NMUR2: variants seen among roughly 807,000 people sequenced by gnomAD.
NMUR2 encodes the protein neuromedin-U receptor 2.
Under a neutral mutation model 25.1 loss-of-function variants are expected in NMUR2, and 24 were observed. The observed-to-expected ratio is 0.96, with a 90% CI of 0.69 to 1.34. The LOEUF (loss-of-function observed/expected upper bound fraction) is 1.34, where lower values mean the gene tolerates loss of function less well. NMUR2 is among the 40% of genes most tolerant of loss of function. The pLI is 0.00. For synonymous variants in NMUR2, 218 were observed against 208.1 expected, an observed-to-expected ratio of 1.05 and a Z score of -0.41; for missense variants, 533 against 512.8, an observed-to-expected ratio of 1.04 and a Z score of -0.38.
Position 152,405,185 on chromosome 5 carries a change from AAG to A in NMUR2, c.-74_-73del. ...GCTGAGCCAGGAAAAAAAAAAAAAA[AAG>A]AAAAAAGGAAAACAAAAAAGAGAAA... On this transcript the variant is annotated 5_prime_UTR_variant, in exon 1 of 4. Transcript: ENST00000255262. 1 of 1,471,250 alleles carries A rather than the reference AAG, an allele frequency of 6.8e-7. No individual in the cohort carries two copies. Among genetic ancestry groups the A allele is most frequent in the African/African-American group, 1.4e-5 (1 of 70,738 alleles). The allele number at this position is 1,471,250 out of a possible 1,614,324, so 91.1% of individuals were successfully genotyped here.
Position 152,405,000 on chromosome 5 carries a change from T to A in NMUR2, c.114A>T (p.Gly38=). ...GGAGGAAGAAGTGGCTGCGCCGAGG[T>A]CCGCAGAGGAAGGCCAGATACTCCT... ...STEEYLAFLC[G]PRRSHFFLPV... Residue 38 remains glycine, a synonymous_variant, in exon 1 of 4, where the codon GGA becomes GGT. Coordinates refer to ENST00000255262, the MANE Select transcript of NMUR2 (RefSeq NM_020167.5). The A allele has an allele frequency of 6.2e-7, 1 of 1,613,156 alleles. No homozygotes were observed. The highest frequency in any genetic ancestry group is 8.5e-7 in the Non-Finnish European group (1 of 1,179,812).
At chr5:152,395,699 G>A in intron 2 of NMUR2, 115 bp from the exon 3 acceptor site, 1 of 1,258,024 alleles carries the variant, frequency 7.9e-7, no homozygotes. Flanking sequence ...ACTTTGTTAA[G>A]CTATAACAGT....
Position 152,404,765 on chromosome 5 carries a change from C to A in NMUR2, c.349G>T (p.Val117Leu), listed in dbSNP as rs1467639009. The A allele has an allele frequency of 1.2e-6, 2 of 1,614,004 alleles. No homozygotes were observed. Among genetic ancestry groups the A allele is most frequent in the Non-Finnish European group, 1.7e-6 (2 of 1,180,038 alleles). Residue 117 changes from valine to leucine, a missense_variant, in exon 1 of 4, where the codon GTG becomes TTG. By Grantham distance (32) the Val-to-Leu change is conservative. Coordinates refer to ENST00000255262, the MANE Select transcript of NMUR2 (RefSeq NM_020167.5). ...WRNYPFLFGP[V>L]GCYFKTALFE... Reference sequence around the variant, plus strand: ...AGGGCCGTCTTGAAGTAGCAGCCCACGGGCCCGAACAAGAAAGGGTAGTTG... The same window carrying A: ...AGGGCCGTCTTGAAGTAGCAGCCCAAGGGCCCGAACAAGAAAGGGTAGTTG...
chr5:152,399,619 A>C (rs527419340), intron 1 of NMUR2, among the ~76,000 whole-genome samples: 8 of 152,240 alleles, frequency 5.3e-5, no homozygotes, highest in Non-Finnish European at 1.2e-4. Context: ...TTGAGGTTGA[A>C]ACCAACACCA....
chr5:152,395,410 T>C (rs1471992713), intron 3 of NMUR2, 49 bp downstream of exon 3: 8 of 1,608,538 alleles, frequency 5.0e-6, no homozygotes, highest in Non-Finnish European at 6.8e-6. Flanking sequence ...AAGAAGAAGG[T>C]GCTGTTACCT....
chr5:152,399,584 C>A (rs1309430472), intron 1 of NMUR2, among the ~76,000 whole-genome samples: 1 of 152,022 alleles, frequency 6.6e-6, no homozygotes, highest in Non-Finnish European at 1.5e-5. Flanking sequence ...ATGCTTGGAG[C>A]CACCAAAGGA....
rs1208547683 is a variant in NMUR2 at position 152,398,273 on chromosome 5, C to T, written c.727-129G>A. 5 of 652,476 alleles carry T rather than the reference C, an allele frequency of 7.7e-6. No individual in the cohort carries two copies. In the East Asian group the frequency reaches 1.4e-4, roughly 18 times the overall value. 40.4% of individuals were successfully genotyped at this position (652,476 alleles called of 1,614,324 possible). Reference sequence around the variant, plus strand: ...AACTGAGACCTAGAGAAATGTAAGACTACGTCAAATGTTTAACAGTATGTT... The same window carrying T: ...AACTGAGACCTAGAGAAATGTAAGATTACGTCAAATGTTTAACAGTATGTT... On this transcript the variant is annotated intron_variant, in intron 1 of 3. Transcript: ENST00000255262.
At chr5:152,398,406 G>T (rs1753199546) in intron 1 of NMUR2, among the ~76,000 whole-genome samples, 1 of 152,182 alleles carries the variant, frequency 6.6e-6, no homozygotes, top group South Asian at 2.1e-4. Context: ...TGGCTGTGTA[G>T]CATGTTAATA....
intron 2 of NMUR2, among the ~76,000 whole-genome samples, chr5:152,395,884 A>C (rs1228653359): frequency 6.6e-6 from 1 of 152,066 alleles, no homozygotes. Context: ...TCCTGAAAAC[A>C]TCTTATTGTG....
intron 3 of NMUR2, among the ~76,000 whole-genome samples, chr5:152,395,215 G>T (rs1753128251): frequency 6.6e-6 from 1 of 152,124 alleles, no homozygotes; most frequent in Non-Finnish European, 1.5e-5. Flanking sequence ...TTTTCCTTCT[G>T]TAATCATCAC....
rs35771607 is a variant in NMUR2 at position 152,392,467 on chromosome 5, G to T, written c.972C>A (p.Pro324=). 17,280 of 1,613,818 alleles carry T rather than the reference G, an allele frequency of 0.011. 120 individuals carry two copies. The highest frequency in any genetic ancestry group is 0.013 in the Non-Finnish European group (15,310 of 1,179,784). ...GGCGAGACAGTAGGTTATAGATAAT[G>T]GGGTTGACAGCTGAGCTCAGGTAGA... is the stretch of plus-strand genomic sequence containing the variant. ...VFFYLSSAVN[P]IIYNLLSRRF... Residue 324 remains proline, a synonymous_variant, in exon 4 of 4, where the codon CCC becomes CCA. Coordinates refer to ENST00000255262, the MANE Select transcript of NMUR2 (RefSeq NM_020167.5).
intron 2 of NMUR2, among the ~76,000 whole-genome samples, chr5:152,397,162 C>G (rs963072218): frequency 1.5e-4 from 23 of 151,748 alleles, no homozygotes; most frequent in African/African-American, 5.3e-4. Flanking sequence ...TCGAGAAGAC[C>G]CACTTCAGGG....
chr5:152,400,916 T>C (rs184426158), intron 1 of NMUR2, among the ~76,000 whole-genome samples: 125 of 152,334 alleles, frequency 8.2e-4, no homozygotes, highest in African/African-American at 2.9e-3. Flanking sequence ...TGTAGCAGCA[T>C]AGTTTACACT....
chr5:152,397,755 G>A (rs557544514), intron 2 of NMUR2, among the ~76,000 whole-genome samples: 1 of 152,262 alleles, frequency 6.6e-6, no homozygotes, highest in East Asian at 1.9e-4. Flanking sequence ...CACACAGAGT[G>A]TATGTCAGTG....
chr5:152,398,811 T>C (rs1753207938), intron 1 of NMUR2, among the ~76,000 whole-genome samples: 1 of 152,120 alleles, frequency 6.6e-6, no homozygotes, highest in Non-Finnish European at 1.5e-5. Flanking sequence ...AAACACAAAT[T>C]GGGAAATGTT....
chr5:152,397,010 A>ATTTTTTTTTTTTTTT (rs1308899005), intron 2 of NMUR2, among the ~76,000 whole-genome samples: 11 of 103,168 alleles, frequency 1.1e-4, no homozygotes, highest in Non-Finnish European at 2.3e-4. Flanking sequence ...AGTGAGCTTC[A>ATTTTTTTTTTTTTTT]TGTTTTTTTT....
At position 152,404,874 on chromosome 5, in the gene NMUR2, G is replaced by T; in HGVS notation, c.240C>A (p.Thr80=). ...CCGCCAGGCTGAAGAGGTAGTAGTT[G>T]GTGGGCGTCTTCATAGCCTGGTGCT... is the stretch of plus-strand genomic sequence containing the variant. ...ILQHQAMKTP[T]NYYLFSLAVS... is the part of the protein sequence containing the mutation. The change falls in exon 1 of 4, where the codon ACC becomes ACA. Residue 80 remains threonine, a synonymous_variant. Transcript: ENST00000255262. 6.2e-7 allele frequency: 1 copy of T among 1,614,084 alleles called. No homozygotes were observed. Among genetic ancestry groups the T allele is most frequent in the Non-Finnish European group, 8.5e-7 (1 of 1,180,030 alleles).
At chr5:152,397,327 T>C (rs1047520437) in intron 2 of NMUR2, among the ~76,000 whole-genome samples, 6 of 152,292 alleles carry the variant, frequency 3.9e-5, no homozygotes, top group Non-Finnish European at 8.8e-5. Context: ...ACTCCTCTCA[T>C]ATAGTAGTGC....
At chr5:152,403,858 A>G (rs781201811) in intron 1 of NMUR2, among the ~76,000 whole-genome samples, 1 of 152,050 alleles carries the variant, frequency 6.6e-6, no homozygotes, top group Non-Finnish European at 1.5e-5. Flanking sequence ...AAAACTGAAT[A>G]CCTATCTTGG....
Sources: gnomAD v4.1 joint callset for allele counts (sites outside exome capture counted in the v4.1 genomes callset) on GRCh38, gnomAD v4.1.1 for gene constraint, MANE v1.5 for transcripts, NCBI Gene and HGNC (gene_info 2026-07-23, HGNC 2026-07-21) for gene names.